The following RPTOR variants were observed in gnomAD, a reference collection of about 807,000 sequenced individuals.
RPTOR encodes the protein regulatory associated protein of MTOR complex 1.
A neutral mutation model predicts 169.9 loss-of-function variants in RPTOR; 21 were observed. The observed-to-expected ratio is 0.12, with a 90% CI of 0.09 to 0.18. The LOEUF (loss-of-function observed/expected upper bound fraction) is 0.18. RPTOR is among the 10% of genes least tolerant of loss of function. The pLI is 1.00. For missense variants in RPTOR, 1,133 were observed against 1,855.9 expected, an observed-to-expected ratio of 0.61 and a Z score of 7.16; for synonymous variants, 732 against 753.2, an observed-to-expected ratio of 0.97 and a Z score of 0.46.
intron 6 of RPTOR, among the ~76,000 whole-genome samples, chr17:80,758,246 G>A (rs2066700665): frequency 6.6e-6 from 1 of 152,214 alleles, no homozygotes; most frequent in South Asian, 2.1e-4. Context: ...AAGGGCTGTT[G>A]TGTTCCCAGA....
At chr17:80,923,907 C>G in intron 23 of RPTOR, 1 of 549,416 alleles carries the variant, frequency 1.8e-6, no homozygotes, top group Non-Finnish European at 3.2e-6. Flanking sequence ...CCCGGTCCCT[C>G]TGCCTGCACT....
chr17:80,682,349 G>T (rs1236443563), intron 3 of RPTOR, among the ~76,000 whole-genome samples: 1 of 152,074 alleles, frequency 6.6e-6, no homozygotes, highest in Non-Finnish European at 1.5e-5. Flanking sequence ...CAAGCCATTT[G>T]CCTGCCTCAG....
chr17:80,916,028 A>G (rs557088351), intron 21 of RPTOR, among the ~76,000 whole-genome samples: 1 of 152,282 alleles, frequency 6.6e-6, no homozygotes, highest in East Asian at 1.9e-4. Context: ...GCTCCTCTTC[A>G]GCTTGCTTAA....
intron 6 of RPTOR, among the ~76,000 whole-genome samples, chr17:80,762,189 T>A (rs148919489): frequency 6.6e-6 from 1 of 152,310 alleles, no homozygotes; most frequent in African/African-American, 2.4e-5. Flanking sequence ...AACCACCTGA[T>A]GGATGCGGTA....
intron 13 of RPTOR, among the ~76,000 whole-genome samples, chr17:80,872,567 C>T (rs1029342841): frequency 2.0e-5 from 3 of 152,170 alleles, no homozygotes; most frequent in East Asian, 1.9e-4. Flanking sequence ...CTGGGTCTGT[C>T]GGTGCCCCCT....
intron 20 of RPTOR, among the ~76,000 whole-genome samples, chr17:80,906,699 C>T (rs964430671): frequency 2.0e-5 from 3 of 152,200 alleles, no homozygotes; most frequent in Non-Finnish European, 4.4e-5. Context: ...CCCAGCCTCT[C>T]ATGATTCACG....
chr17:80,744,547 C>T lies in RPTOR; in HGVS notation c.655-9463C>T, dbSNP rs369485733. On this transcript the variant is annotated intron_variant, in intron 5 of 33. Transcript: ENST00000306801. ...GCCCTGGCTACTAGCACAGCCCTGG[C>T]TACTAGCACTGTCCTGGTTACGAGC... Among the ~76,000 whole-genome samples, 55 of 9,878 alleles carry T rather than the reference C, an allele frequency of 5.6e-3. 3 individuals are homozygous for T. Among genetic ancestry groups the T allele is most frequent in the East Asian group, 8.9e-3 (4 of 448 alleles). The allele number at this position is 9,878 out of a possible 152,430, so 6.5% of individuals were successfully genotyped here. A position where few individuals can be genotyped will look rare whatever the true frequency, so the allele number is the denominator to read the frequency against.
chr17:80,938,880 T>C (rs1286352465), intron 24 of RPTOR, among the ~76,000 whole-genome samples: 6 of 152,214 alleles, frequency 3.9e-5, no homozygotes, highest in Non-Finnish European at 5.9e-5. Context: ...AAGAATGCTC[T>C]GTAAGCATTT....
intron 3 of RPTOR, among the ~76,000 whole-genome samples, chr17:80,649,083 G>A (rs2065618867): frequency 6.6e-6 from 1 of 152,218 alleles, no homozygotes; most frequent in Admixed American, 6.5e-5. Flanking sequence ...TAATACAGAT[G>A]CAGTCAAGAC....
chr17:80,923,000 C>G (rs565796583), intron 22 of RPTOR, among the ~76,000 whole-genome samples, 173 bp downstream of exon 22: 1 of 152,244 alleles, frequency 6.6e-6, no homozygotes, highest in Non-Finnish European at 1.5e-5. Context: ...CACCCCGGTA[C>G]CCGCCTGATC....
intron 9 of RPTOR, among the ~76,000 whole-genome samples, chr17:80,837,155 A>G (rs1452245551): frequency 6.6e-6 from 1 of 152,106 alleles, no homozygotes; most frequent in Non-Finnish European, 1.5e-5. Flanking sequence ...CAAGAGGGAC[A>G]GTGTGGTCGG....
intron 9 of RPTOR, among the ~76,000 whole-genome samples, chr17:80,827,019 G>A (rs1052287589): frequency 6.6e-6 from 1 of 152,256 alleles, no homozygotes; most frequent in Non-Finnish European, 1.5e-5. Context: ...CCCGCGGGAA[G>A]GAAGAGGCGA....
chr17:80,624,805 G>A (rs958484731), intron 1 of RPTOR, among the ~76,000 whole-genome samples: 2 of 152,232 alleles, frequency 1.3e-5, no homozygotes, highest in African/African-American at 4.8e-5. Context: ...CACTCAGCAG[G>A]TAGTTAGCAC....
At chr17:80,689,950 T>A (rs2065976744) in intron 3 of RPTOR, among the ~76,000 whole-genome samples, 1 of 152,204 alleles carries the variant, frequency 6.6e-6, no homozygotes, top group African/African-American at 2.4e-5. Flanking sequence ...AAACGCTTCA[T>A]GCAAGCAGAT....
chr17:80,940,373 G>A (rs1037336407), intron 24 of RPTOR, 123 bp from the exon 25 acceptor site: 123 of 689,128 alleles, frequency 1.8e-4, no homozygotes, highest in Non-Finnish European at 2.6e-4. Flanking sequence ...ACACCCTTTC[G>A]TATTGGGGAC....
chr17:80,918,992 C>T (rs887600903), intron 21 of RPTOR, among the ~76,000 whole-genome samples: 1 of 152,160 alleles, frequency 6.6e-6, no homozygotes, highest in Non-Finnish European at 1.5e-5. Context: ...CCCACACACC[C>T]GGGTCTGAGG....
intron 2 of RPTOR, among the ~76,000 whole-genome samples, chr17:80,629,841 A>G (rs1393691942): frequency 2.0e-5 from 3 of 151,610 alleles, no homozygotes; most frequent in African/African-American, 7.3e-5. Flanking sequence ...GCTGTTGGAC[A>G]TTGTACCACA....
chr17:80,626,526 A>C (rs2065395618), intron 2 of RPTOR, among the ~76,000 whole-genome samples: 1 of 152,088 alleles, frequency 6.6e-6, no homozygotes, highest in Non-Finnish European at 1.5e-5. Context: ...AATGGCCATC[A>C]TTTGCTGAAT....
chr17:80,885,463 C>T (rs1471785481), intron 17 of RPTOR, among the ~76,000 whole-genome samples: 2 of 142,318 alleles, frequency 1.4e-5, no homozygotes, highest in African/African-American at 2.6e-5. Flanking sequence ...CCACAGATGG[C>T]GGGAAGGTTT....
Sources: gnomAD v4.1 joint callset for allele counts (sites outside exome capture counted in the v4.1 genomes callset) on GRCh38, gnomAD v4.1.1 for gene constraint, MANE v1.5 for transcripts, NCBI Gene and HGNC (gene_info 2026-07-23, HGNC 2026-07-21) for gene names.